Variants in HIC2 observed in about 807,000 individuals in gnomAD.
The protein encoded by HIC2 is hypermethylated in cancer 2 protein.
In HIC2, 2 loss-of-function variants were observed where a neutral mutation model predicts 39.5. The ratio of observed to expected loss-of-function variants is 0.05; its 90% confidence interval spans 0.02 to 0.16. The LOEUF is 0.16. HIC2 is among the 10% of genes least tolerant of loss of function. The pLI is 1.00. For synonymous variants in HIC2, 399 were observed against 368.8 expected, an observed-to-expected ratio of 1.08 and a Z score of -0.94; for missense variants, 713 against 863.5, an observed-to-expected ratio of 0.83 and a Z score of 2.18.
intron 1 of HIC2, among the ~76,000 whole-genome samples, chr22:21,431,872 C>T (rs1195987526): frequency 4.9e-5 from 3 of 61,180 alleles, no homozygotes; most frequent in Admixed American, 2.5e-4. Flanking sequence ...GTTCCAGCTA[C>T]TCAAAAGGCT....
intron 2 of HIC2, 46 bp from the exon 3 acceptor site, chr22:21,444,876 G>A (rs750331765): frequency 7.5e-5 from 118 of 1,570,926 alleles, no homozygotes; most frequent in Non-Finnish European, 8.8e-5. Context: ...GCCCTGGTCC[G>A]AGTGTGCCAG....
intron 1 of HIC2, among the ~76,000 whole-genome samples, chr22:21,417,881 T>A (rs1226933610): frequency 2.0e-5 from 3 of 147,918 alleles, no homozygotes; most frequent in Non-Finnish European, 4.5e-5. Flanking sequence ...GGGCGCCGGC[T>A]CTTTGTGCCT....
At position 21,445,110 on chromosome 22, in the gene HIC2, A is replaced by G. The variant is rs891851149; in HGVS notation, c.215A>G (p.Lys72Arg). The G allele has an allele frequency of 5.6e-6, 9 of 1,614,210 alleles. No homozygotes were observed. Among genetic ancestry groups the G allele is most frequent in the Non-Finnish European group, 6.8e-6 (8 of 1,180,042 alleles). Reference sequence around the variant, plus strand: ...CTAGCCGCCAGCAGCATCTATTTCAAGTCCCTGGTCCTGCACGACAACCTC... The same window carrying G: ...CTAGCCGCCAGCAGCATCTATTTCAGGTCCCTGGTCCTGCACGACAACCTC... ...NVLAASSIYF[K>R]SLVLHDNLIN... Residue 72 changes from lysine to arginine, a missense_variant, in exon 3 of 3, where the codon AAG becomes AGG. By Grantham distance (26) the Lys-to-Arg change is conservative. Around this residue, in one of 5 missense-constraint regions of HIC2, gnomAD observed 102 missense variants for 187.1 expected, o/e 0.55. Coordinates refer to ENST00000407464, the MANE Select transcript of HIC2 (RefSeq NM_015094.3).
rs1922907554 is a variant in HIC2, at chr22:21,417,481, G to A, written c.-153G>A. The A allele has an allele frequency of 6.9e-6, 1 of 144,554 alleles. No homozygotes were observed. The highest frequency in any genetic ancestry group is 1.5e-5 in the Non-Finnish European group (1 of 65,496). 9.0% of individuals were successfully genotyped at this position (144,554 alleles called of 1,614,324 possible). A position where few individuals can be genotyped will look rare whatever the true frequency, so the allele number is the denominator to read the frequency against. On this transcript the variant is annotated 5_prime_UTR_variant, in exon 1 of 3. Coordinates refer to ENST00000407464, the MANE Select transcript of HIC2 (RefSeq NM_015094.3). ...GGCGGACGGGGCGGGCGCGTGCGGC[G>A]CGAGCCGGGCGCTGAGGACAAGGGC...
rs2287409 is a variant in HIC2, at chr22:21,448,883, C to A, written c.*2140C>A. On this transcript the variant is annotated 3_prime_UTR_variant, in exon 3 of 3. Coordinates refer to ENST00000407464, the MANE Select transcript of HIC2 (RefSeq NM_015094.3). ...AGTGAGGGGGCTCCTGCCGTCCTGA[C>A]GCCACCCCGCCCCATCAGCACTTAA... The A allele has an allele frequency of 6.5e-6, 1 of 152,776 alleles. No homozygotes were observed. The highest frequency in any genetic ancestry group is 2.4e-5 in the African/African-American group (1 of 41,448). 9.5% of individuals were successfully genotyped at this position (152,776 alleles called of 1,614,324 possible).
intron 2 of HIC2, among the ~76,000 whole-genome samples, chr22:21,444,032 G>A (rs1307208076): frequency 1.3e-5 from 2 of 152,092 alleles, no homozygotes; most frequent in Non-Finnish European, 2.9e-5. Context: ...GAAGCGTGGC[G>A]AGGAGCACCC....
intron 1 of HIC2, among the ~76,000 whole-genome samples, chr22:21,438,109 G>C (rs1157193634): frequency 2.0e-5 from 3 of 151,898 alleles, no homozygotes; most frequent in Non-Finnish European, 4.4e-5. Flanking sequence ...GCCCTTTCCT[G>C]GTCTTCACCC....
rs771920960 is a variant in HIC2, at chr22:21,446,221, T to C, written c.1326T>C (p.Tyr442=). ...CGGTGTCCTACGGGGACAACTTGTA[T>C]GTGTGCATTCCCTGCGCCAAGGGCT... is the stretch of plus-strand genomic sequence containing the variant. ...YETVSYGDNL[Y]VCIPCAKGFP... The change falls in exon 3 of 3, where the codon TAT becomes TAC. Residue 442 remains tyrosine, a synonymous_variant. Coordinates refer to ENST00000407464, the MANE Select transcript of HIC2 (RefSeq NM_015094.3). 5.0e-6 allele frequency: 8 copies of C among 1,612,584 alleles called. No individual in the cohort carries two copies. The highest frequency in any genetic ancestry group is 1.7e-5 in the Admixed American group (1 of 60,028).
chr22:21,438,122 C>T (rs1467050187), intron 1 of HIC2, among the ~76,000 whole-genome samples: 1 of 151,958 alleles, frequency 6.6e-6, no homozygotes, highest in Non-Finnish European at 1.5e-5. Flanking sequence ...CTTCACCCTT[C>T]TCCCCAGGCC....
chr22:21,446,352 A>C lies in HIC2; in HGVS notation c.1457A>C (p.Glu486Ala), dbSNP rs907983864. 16 of 1,612,766 alleles carry C rather than the reference A, an allele frequency of 9.9e-6. No homozygotes were observed. Among genetic ancestry groups the C allele is most frequent in the Non-Finnish European group, 1.3e-5 (15 of 1,180,000 alleles). The change falls in exon 3 of 3, where the codon GAG (glutamate) becomes GCG (alanine). Residue 486 changes from glutamate to alanine, a missense_variant. Physicochemically the swap from Glu to Ala is moderately radical, Grantham distance 107 (BLOSUM62 -1). Coordinates refer to ENST00000407464, the MANE Select transcript of HIC2 (RefSeq NM_015094.3). Reference protein sequence around the residue: ...AYETGSGGAEEEAEDLSAPSA... With the variant: ...AYETGSGGAEAEAEDLSAPSA... ...GAGACAGGCAGTGGGGGTGCCGAGG[A>C]GGAGGCCGAGGACCTGTCAGCACCC... is the stretch of plus-strand genomic sequence containing the variant.
At position 21,446,923 on chromosome 22, in the gene HIC2, G is replaced by A. The variant is rs1160416564; in HGVS notation, c.*180G>A. On this transcript the variant is annotated 3_prime_UTR_variant, in exon 3 of 3. Coordinates refer to ENST00000407464, the MANE Select transcript of HIC2 (RefSeq NM_015094.3). ...TGGACAGTCCGTACCAAGCAGAGCCGAGAGGAGGGAAGCCAGGGGTCCCAG... is the reference window on the plus strand; with the variant it reads ...TGGACAGTCCGTACCAAGCAGAGCCAAGAGGAGGGAAGCCAGGGGTCCCAG... 1.1e-5 allele frequency: 10 copies of A among 885,568 alleles called. No homozygotes were observed. The highest frequency in any genetic ancestry group is 8.5e-5 in the African/African-American group (5 of 58,920). The allele number at this position is 885,568 out of a possible 1,614,324, so 54.9% of individuals were successfully genotyped here.
chr22:21,446,297 G>A lies in HIC2; in HGVS notation c.1402G>A (p.Glu468Lys). ...GCACGTGGAGACTCACACGGAGGAA[G>A]AGCTGTTCATCAAGGAAGAGGGGGC... ...NAHVETHTEE[E>K]LFIKEEGAYE... Residue 468 changes from glutamate to lysine, a missense_variant, in exon 3 of 3, where the codon GAG (glutamate) becomes AAG (lysine). Physicochemically the swap from Glu to Lys is moderately conservative, Grantham distance 56. Around this residue, in one of 5 missense-constraint regions of HIC2, gnomAD observed 103 missense variants for 103.4 expected, o/e 1.00. Coordinates refer to ENST00000407464, the MANE Select transcript of HIC2 (RefSeq NM_015094.3). 1.2e-6 allele frequency: 2 copies of A among 1,613,334 alleles called. No individual in the cohort carries two copies.
chr22:21,444,810 C>G, intron 2 of HIC2, 112 bp from the exon 3 acceptor site: 1 of 1,207,420 alleles, frequency 8.3e-7, no homozygotes, highest in Non-Finnish European at 1.2e-6. Flanking sequence ...GGCTCCTGCC[C>G]TATGTGGGGT....
Position 21,446,990 on chromosome 22 carries a change from C to A in HIC2, c.*247C>A, listed in dbSNP as rs891686354. 1.3e-5 allele frequency: 7 copies of A among 550,464 alleles called. No individual in the cohort carries two copies. Among genetic ancestry groups the A allele is most frequent in the Non-Finnish European group, 1.9e-5 (6 of 318,650 alleles). The allele number at this position is 550,464 out of a possible 1,614,324, so 34.1% of individuals were successfully genotyped here. On this transcript the variant is annotated 3_prime_UTR_variant, in exon 3 of 3. Coordinates refer to ENST00000407464, the MANE Select transcript of HIC2 (RefSeq NM_015094.3). Reference sequence around the variant, plus strand: ...TCCCACCCAGGCCCCCAGCTCCCCGCGGGGGCCACCGCAGGGCCTGTGGGC... The same window carrying A: ...TCCCACCCAGGCCCCCAGCTCCCCGAGGGGGCCACCGCAGGGCCTGTGGGC...
chr22:21,432,625 G>A (rs1454280837), intron 1 of HIC2, among the ~76,000 whole-genome samples: 7 of 129,894 alleles, frequency 5.4e-5, no homozygotes, highest in African/African-American at 9.5e-5. Context: ...GCGGTGAGCC[G>A]AGATTGCACC....
intron 1 of HIC2, 43 bp downstream of exon 1, chr22:21,417,603 G>GGGGGCC (rs1244699751): frequency 6.8e-6 from 1 of 147,434 alleles, no homozygotes; most frequent in Non-Finnish European, 1.5e-5. Context: ...GGGAGCGGGC[G>GGGGGCC]GGGGCCGGGG....
intron 2 of HIC2, among the ~76,000 whole-genome samples, chr22:21,443,921 G>A (rs1440065344): frequency 6.6e-6 from 1 of 152,144 alleles, no homozygotes; most frequent in African/African-American, 2.4e-5. Context: ...TCCTCCCCCC[G>A]GCGTCTATCT....
At position 21,445,596 on chromosome 22, in the gene HIC2, C is replaced by T; in HGVS notation, c.701C>T (p.Thr234Ile). 1 of 1,582,986 alleles carries T rather than the reference C, an allele frequency of 6.3e-7. No homozygotes were observed. The highest frequency in any genetic ancestry group is 8.6e-7 in the Non-Finnish European group (1 of 1,166,330). The change falls in exon 3 of 3, where the codon ACC (threonine) becomes ATC (isoleucine). Residue 234 changes from threonine (T) to isoleucine (I), a missense_variant. Thr to Ile is a moderately conservative substitution (Grantham distance 89). Transcript: ENST00000407464. ...EAGLGGCSSS[T>I]NGSSGGCEQE... ...GGTCTGGGGGGCTGCAGCAGCAGCA[C>T]CAACGGGAGCAGCGGGGGCTGCGAG...
In HIC2 at chr22:21,447,549, A is replaced by G. The variant is rs925907213; in HGVS notation, c.*806A>G. On this transcript the variant is annotated 3_prime_UTR_variant, in exon 3 of 3. Transcript: ENST00000407464. ...AGGCCCCAGAAGCCCTTCTTGCCCA[A>G]AGGCTTCCCTGGTCCCTGAGCCCTG... 6.6e-6 allele frequency: 1 copy of G among 152,596 alleles called. No homozygotes were observed. The highest frequency in any genetic ancestry group is 1.5e-5 in the Non-Finnish European group (1 of 68,012). The allele number at this position is 152,596 out of a possible 1,614,324, so 9.5% of individuals were successfully genotyped here. A position where few individuals can be genotyped will look rare whatever the true frequency, so the allele number is the denominator to read the frequency against.
Sources: gnomAD v4.1 joint callset for allele counts (sites outside exome capture counted in the v4.1 genomes callset) on GRCh38, gnomAD v4.1.1 for gene constraint, gnomAD v4.1.1 regional missense constraint, MANE v1.5 for transcripts, NCBI Gene and HGNC (gene_info 2026-07-23, HGNC 2026-07-21) for gene names.